The following HACE1 variants were observed in gnomAD, a reference collection of about 807,000 sequenced individuals.
HACE1 encodes the protein HECT domain and ankyrin repeat containing E3 ubiquitin protein ligase 1.
A neutral mutation model predicts 118.4 loss-of-function variants in HACE1; 73 were observed. The ratio of observed to expected loss-of-function variants is 0.62; its 90% confidence interval spans 0.51 to 0.75. The LOEUF is 0.75. Ranked by LOEUF, HACE1 falls within the 30% of genes least tolerant of loss-of-function variation. The probability of loss-of-function intolerance (pLI) is 0.00; values close to 1 mark genes in which losing one functional copy is unlikely to be tolerated. For synonymous variants in HACE1, 368 were observed against 374.8 expected, an observed-to-expected ratio of 0.98 and a Z score of 0.21; for missense variants, 749 against 1,102.2, an observed-to-expected ratio of 0.68 and a Z score of 4.54.
intron 4 of HACE1, among the ~76,000 whole-genome samples, chr6:104,844,452 T>C (rs1321588852): frequency 6.6e-6 from 1 of 151,670 alleles, no homozygotes; most frequent in African/African-American, 2.4e-5. Context: ...CAAGCAATTC[T>C]TCTGTCTCAG....
At position 104,859,846 on chromosome 6, in the gene HACE1, C is replaced by CCCG. The variant is rs1296659083; in HGVS notation, c.-207_-205dup. The CCCG allele has an allele frequency of 1.2e-5, 6 of 511,062 alleles. No individual in the cohort carries two copies. Among genetic ancestry groups the CCCG allele is most frequent in the South Asian group, 2.6e-5 (1 of 39,018 alleles). 31.7% of individuals were successfully genotyped at this position (511,062 alleles called of 1,614,324 possible). A position where few individuals can be genotyped will look rare whatever the true frequency, so the allele number is the denominator to read the frequency against. ...TGCCGGACCGACCACCTACAGTACA[C>CCCG]CCGCCGCCGCCTCTGCTCGCGCCTT... On this transcript the variant is annotated 5_prime_UTR_variant, in exon 1 of 24. Coordinates refer to ENST00000262903, the MANE Select transcript of HACE1 (RefSeq NM_020771.4).
intron 5 of HACE1, among the ~76,000 whole-genome samples, chr6:104,841,589 A>G (rs1431837009): frequency 1.3e-5 from 2 of 152,188 alleles, no homozygotes; most frequent in African/African-American, 4.8e-5. Context: ...ATCATGATTG[A>G]GTTTATTCTA....
intron 11 of HACE1, among the ~76,000 whole-genome samples, chr6:104,788,563 A>G (rs1782679150): frequency 6.6e-6 from 1 of 152,178 alleles, no homozygotes; most frequent in Non-Finnish European, 1.5e-5. Flanking sequence ...GTCAAATGCC[A>G]CAACCCACAA....
intron 20 of HACE1, among the ~76,000 whole-genome samples, chr6:104,749,762 T>C (rs894529114): frequency 1.3e-5 from 2 of 151,882 alleles, no homozygotes; most frequent in Non-Finnish European, 1.5e-5. Flanking sequence ...ATAAATCATA[T>C]AAAATTAGAA....
At chr6:104,742,862 C>T (rs1290480957) in intron 22 of HACE1, among the ~76,000 whole-genome samples, 2 of 151,980 alleles carry the variant, frequency 1.3e-5, no homozygotes, top group African/African-American at 4.8e-5. Flanking sequence ...CACATGCACA[C>T]ATATGTTTAT....
rs1366242023 is a variant in HACE1 at position 104,750,371 on chromosome 6, G to A, written c.2313C>T (p.Ser771=). The A allele has an allele frequency of 8.1e-6, 13 of 1,612,554 alleles. No individual in the cohort carries two copies. Among genetic ancestry groups the A allele is most frequent in the Non-Finnish European group, 1.0e-5 (12 of 1,178,930 alleles). ...LQGFHMFIPP[S]LIQLFDEYEL... ...CATATTCATCAAAAAGCTGTATGAG[G>A]GAGGGTGGAATGAACATATGAAAGC... The change falls in exon 20 of 24, where the codon TCC becomes TCT. Residue 771 remains serine (S), a synonymous_variant. Transcript: ENST00000262903.
At chr6:104,839,857 T>C (rs1017010219) in intron 5 of HACE1, among the ~76,000 whole-genome samples, 1 of 151,826 alleles carries the variant, frequency 6.6e-6, no homozygotes, top group Non-Finnish European at 1.5e-5. Context: ...AATGCAAAAA[T>C]TAGCTGGGCA....
chr6:104,741,648 A>G (rs906109264), intron 22 of HACE1, among the ~76,000 whole-genome samples: 6 of 142,332 alleles, frequency 4.2e-5, no homozygotes, highest in Admixed American at 7.1e-5. Context: ...CCACTGCTCA[A>G]GGAAATAAAA....
rs1171828404 is a variant in HACE1 at position 104,815,529 on chromosome 6, T to G, written c.535-4136A>C. On this transcript the variant is annotated intron_variant, in intron 6 of 23. Transcript: ENST00000262903. ...GGCGTGCGCCACCACACCCAGCTAA[T>G]TTTTTCTGTTTTTAGTAGAGATGGG... 2.9e-5 allele frequency among the ~76,000 whole-genome samples: 4 copies of G among 136,108 alleles called. 2 individuals carry two copies. The highest frequency in any genetic ancestry group is 3.1e-5 in the Non-Finnish European group (2 of 63,710). The allele number at this position is 136,108 out of a possible 152,430, so 89.3% of individuals were successfully genotyped here.
rs185474312 is a variant in HACE1, at chr6:104,813,519, G to C, written c.535-2126C>G. 1.7e-4 allele frequency among the ~76,000 whole-genome samples: 24 copies of C among 138,298 alleles called. 8 individuals carry two copies. The East Asian group carries it at 5.2e-3, about 30-fold the overall frequency. The allele number at this position is 138,298 out of a possible 152,430, so 90.7% of individuals were successfully genotyped here. The stretch of plus-strand genomic sequence containing the variant: ...CATGAGGCAACTTTTTTATTTTCAT[G>C]ACCAGGGAAGGGAAAATGCTATTGG... On this transcript the variant is annotated intron_variant, in intron 6 of 23. Transcript: ENST00000262903.
chr6:104,831,960 GAAGAGAAGAGAAGAGAAGAGAGGAAGGA>G (rs1417416829), intron 6 of HACE1, among the ~76,000 whole-genome samples: 75 of 88,762 alleles, frequency 8.4e-4, no homozygotes, highest in Middle Eastern at 5.1e-3. Context: ...GAAGAGAAGA[GAAGAGAAGAGAAGAGAAGAGAGGAAGGA>G]AGGAAGGAAG....
intron 6 of HACE1, among the ~76,000 whole-genome samples, chr6:104,829,899 A>T (rs1933808): frequency 0.17 from 26,426 of 152,168 alleles, 2,480 homozygotes; most frequent in African/African-American, 0.25. Context: ...TGTAAACCAT[A>T]TGGAGTATAT....
In HACE1 at chr6:104,730,377, A is replaced by AC. The variant is rs745394044; in HGVS notation, c.2552dup (p.Gly852TrpfsTer33). The AC allele has an allele frequency of 1.8e-5, 29 of 1,597,068 alleles. No homozygotes were observed. Among genetic ancestry groups the AC allele is most frequent in the African/African-American group, 2.7e-5 (2 of 74,600 alleles). ...TTGTAAAGTTTTGCAATCCACTTCC[A>AC]CCCATGATATTAGCAAACCCACCAT... On this transcript the variant is annotated frameshift_variant, in exon 23 of 24. Transcript: ENST00000262903. LOFTEE classifies it high-confidence loss of function.
chr6:104,846,050 A>C (rs1003847266), intron 4 of HACE1, among the ~76,000 whole-genome samples: 7 of 152,218 alleles, frequency 4.6e-5, no homozygotes, highest in African/African-American at 1.4e-4. Context: ...AAATAGGCCC[A>C]AAAAAGTGTT....
At chr6:104,744,348 A>C in intron 21 of HACE1, 118 bp from the exon 22 acceptor site, 1 of 848,586 alleles carries the variant, frequency 1.2e-6, no homozygotes. Context: ...CGTTTACCAA[A>C]AATGATTTCA....
chr6:104,790,105 T>C (rs2114830223), intron 11 of HACE1, among the ~76,000 whole-genome samples: 1 of 151,138 alleles, frequency 6.6e-6, no homozygotes, highest in Non-Finnish European at 1.5e-5. Context: ...ACACTCAACG[T>C]GCACACACAC....
intron 6 of HACE1, among the ~76,000 whole-genome samples, chr6:104,817,639 T>C (rs150336238): frequency 4.6e-5 from 7 of 152,312 alleles, no homozygotes; most frequent in African/African-American, 1.7e-4. Flanking sequence ...AATGAATCTG[T>C]CTTTGTAGAA....
At chr6:104,800,483 T>C (rs1303057472) in intron 7 of HACE1, among the ~76,000 whole-genome samples, 1 of 152,062 alleles carries the variant, frequency 6.6e-6, no homozygotes, top group Non-Finnish European at 1.5e-5. Context: ...ACACCTCATA[T>C]AGGCGGGTGC....
intron 22 of HACE1, among the ~76,000 whole-genome samples, chr6:104,732,815 A>G (rs561743059): frequency 6.6e-6 from 1 of 152,324 alleles, no homozygotes; most frequent in East Asian, 1.9e-4. Flanking sequence ...ATATGAAAGA[A>G]TCCCTAAAAA....
Sources: allele counts gnomAD v4.1 joint callset (sites outside exome capture counted in the v4.1 genomes callset), GRCh38; gene constraint gnomAD v4.1.1; transcripts MANE v1.5; gene names NCBI Gene and HGNC (gene_info 2026-07-23, HGNC 2026-07-21).